Variants in CTNNA2 observed in about 807,000 individuals in gnomAD.
CTNNA2 encodes catenin alpha 2, also known as catenin alpha-2.
In CTNNA2, 42 loss-of-function variants were observed where a neutral mutation model predicts 101.0. The ratio of observed to expected loss-of-function variants is 0.42; its 90% CI spans 0.32 to 0.54. The LOEUF is 0.54. Among genes scored for constraint, CTNNA2 ranks in the 20% least tolerant of loss-of-function variants. CTNNA2 has a pLI of 0.14. For synonymous variants in CTNNA2, 450 were observed against 456.4 expected (o/e 0.99, Z 0.18); for missense variants, 871 against 1,223.1 (o/e 0.71, Z 4.29).
intron 2 of CTNNA2, among the ~76,000 whole-genome samples, chr2:79,724,587 G>C (rs959059875): frequency 4.6e-5 from 7 of 152,016 alleles, no homozygotes; most frequent in Non-Finnish European, 1.0e-4. Flanking sequence ...AGGCTGAGGC[G>C]GTCGCATCAG....
chr2:79,811,290 A>AT, intron 3 of CTNNA2, among the ~76,000 whole-genome samples: 1 of 151,984 alleles, frequency 6.6e-6, no homozygotes, highest in Non-Finnish European at 1.5e-5. Flanking sequence ...GATGATGAGC[A>AT]TTTTTTCATG....
intron 6 of CTNNA2, among the ~76,000 whole-genome samples, chr2:79,898,686 C>G (rs1193891041): frequency 6.6e-6 from 1 of 152,050 alleles, no homozygotes; most frequent in East Asian, 1.9e-4. Context: ...CATTTTTCCT[C>G]CTTATAAGTG....
intron 2 of CTNNA2, among the ~76,000 whole-genome samples, chr2:79,660,757 A>G (rs2104526147): frequency 6.6e-6 from 1 of 151,906 alleles, no homozygotes; most frequent in East Asian, 1.9e-4. Flanking sequence ...TGGGAGTGAT[A>G]CTCTTTCTGT....
At chr2:80,206,957 G>C (rs548591881) in intron 7 of CTNNA2, among the ~76,000 whole-genome samples, 7 of 152,266 alleles carry the variant, frequency 4.6e-5, no homozygotes, top group Non-Finnish European at 7.3e-5. Flanking sequence ...AGAAAAAGCA[G>C]AGCTGGCATC....
intron 9 of CTNNA2, among the ~76,000 whole-genome samples, chr2:80,503,150 A>G (rs1184941890): frequency 2.6e-5 from 4 of 152,150 alleles, no homozygotes; most frequent in African/African-American, 7.2e-5. Context: ...TCCAACCTAT[A>G]TGACAAAGCA....
chr2:79,290,954 C>A (rs953697210), intron 2 of CTNNA2, among the ~76,000 whole-genome samples: 2 of 152,118 alleles, frequency 1.3e-5, no homozygotes, highest in African/African-American at 4.8e-5. Context: ...TAAAAGAGCA[C>A]CCTGTAATAC....
rs145183621 is a variant in CTNNA2 at position 79,246,556 on chromosome 2, C to CTTT, written c.-406+48483_-406+48485dup. 5.7e-3 allele frequency among the ~76,000 whole-genome samples: 871 copies of CTTT among 152,290 alleles called. 13 individuals are homozygous for CTTT. The highest frequency in any genetic ancestry group is 0.02 in the African/African-American group (829 of 41,558). ...AGCTCCAGGAGTGGGACCTAGAGGT[C>CTTT]TTTTTGTTCAAGGACAGGAATGAAA... is the stretch of plus-strand genomic sequence containing the variant. On this transcript the variant is annotated intron_variant, in intron 2 of 21. Coordinates refer to the CTNNA2 transcript ENST00000466387.
chr2:79,942,981 C>T (rs1484865310), intron 7 of CTNNA2, among the ~76,000 whole-genome samples: 1 of 152,124 alleles, frequency 6.6e-6, no homozygotes, highest in Admixed American at 6.5e-5. Context: ...CTTTGAGAGG[C>T]CGAGGTGGGT....
chr2:80,042,275 T>A (rs1696115464), intron 7 of CTNNA2, among the ~76,000 whole-genome samples: 1 of 152,214 alleles, frequency 6.6e-6, no homozygotes, highest in South Asian at 2.1e-4. Context: ...TAGTTGTTTT[T>A]TGTTTTGTTT....
chr2:79,980,957 C>T (rs1204548897), intron 7 of CTNNA2, among the ~76,000 whole-genome samples: 2 of 151,850 alleles, frequency 1.3e-5, no homozygotes, highest in Non-Finnish European at 2.9e-5. Context: ...GTGCTGTCTT[C>T]CTCGATATAT....
chr2:80,298,778 C>T (rs554763996), intron 7 of CTNNA2: 4 of 152,282 alleles, frequency 2.6e-5, no homozygotes, highest in South Asian at 2.1e-4. Flanking sequence ...ACTGGAATAA[C>T]CTTTCCTTTG....
chr2:80,459,218 A>G lies in CTNNA2; in HGVS notation c.1290+39617A>G, dbSNP rs143466203. Among the ~76,000 whole-genome samples, 1,131 of 152,256 alleles carry G rather than the reference A, an allele frequency of 7.4e-3. 14 individuals are homozygous for G. The highest frequency in any genetic ancestry group is 0.025 in the African/African-American group (1,034 of 41,552). The stretch of plus-strand genomic sequence containing the variant: ...CCTAAGGATGCATTTCTTAGAAGGT[A>G]TTCCTACTCAGTGATCCATGAATTT... On this transcript the variant is annotated intron_variant, in intron 9 of 18. Coordinates refer to ENST00000402739, the MANE Select transcript of CTNNA2 (RefSeq NM_001282597.3).
intron 4 of CTNNA2, among the ~76,000 whole-genome samples, chr2:79,413,969 A>G (rs1384167112): frequency 1.1e-5 from 1 of 92,294 alleles, no homozygotes; most frequent in Non-Finnish European, 2.3e-5. Flanking sequence ...ATATATATAT[A>G]TATAAGCTTT....
intron 1 of CTNNA2, among the ~76,000 whole-genome samples, chr2:79,191,361 C>T (rs11126702): frequency 0.31 from 46,374 of 152,024 alleles, 7,341 homozygotes; most frequent in Middle Eastern, 0.4. Context: ...CTGACACTTC[C>T]TTAAAGGGCA....
At chr2:80,255,313 A>C (rs1390210592) in intron 7 of CTNNA2, among the ~76,000 whole-genome samples, 1 of 152,122 alleles carries the variant, frequency 6.6e-6, no homozygotes, top group Admixed American at 6.6e-5. Context: ...TTTCCACATG[A>C]AGAAAGCCAG....
At chr2:79,941,578 A>T (rs1688166013) in intron 7 of CTNNA2, among the ~76,000 whole-genome samples, 1 of 152,236 alleles carries the variant, frequency 6.6e-6, no homozygotes, top group Non-Finnish European at 1.5e-5. Flanking sequence ...GGATGATATC[A>T]GTCTTTAAAC....
intron 4 of CTNNA2, among the ~76,000 whole-genome samples, chr2:79,469,299 G>A (rs1011955363): frequency 1.3e-5 from 2 of 152,042 alleles, no homozygotes; most frequent in African/African-American, 2.4e-5. Flanking sequence ...TACATTCCTC[G>A]ACACATACAC....
chr2:79,684,919 C>G (rs1425072517), intron 2 of CTNNA2, among the ~76,000 whole-genome samples: 1 of 152,120 alleles, frequency 6.6e-6, no homozygotes, highest in Non-Finnish European at 1.5e-5. Context: ...GCCCTCTTTC[C>G]CAGTTCATCA....
chr2:80,595,858 T>C (rs1184211282), intron 15 of CTNNA2, among the ~76,000 whole-genome samples: 2 of 152,138 alleles, frequency 1.3e-5, no homozygotes, highest in Non-Finnish European at 2.9e-5. Context: ...CTTTTTTTGT[T>C]TCACATGAAA....
Sources: allele counts gnomAD v4.1 joint callset (sites outside exome capture counted in the v4.1 genomes callset), GRCh38; gene constraint gnomAD v4.1.1; transcripts MANE v1.5; gene names NCBI Gene and HGNC (gene_info 2026-07-23, HGNC 2026-07-21).